ADAM22: variants seen among roughly 807,000 people sequenced by gnomAD.
ADAM22 encodes ADAM metallopeptidase domain 22, also known as disintegrin and metalloproteinase domain-containing protein 22.
Under a neutral mutation model 144.6 loss-of-function variants are expected in ADAM22, and 65 were observed. The observed-to-expected ratio is 0.45, with a 90% CI of 0.37 to 0.55. The LOEUF (loss-of-function observed/expected upper bound fraction) is 0.55. Ranked by LOEUF, ADAM22 falls within the 20% of genes least tolerant of loss-of-function variation. The pLI, the probability that ADAM22 is intolerant of heterozygous loss-of-function variation, is 0.00. For synonymous variants in ADAM22, 391 were observed against 412.6 expected (o/e 0.95, Z 0.63); for missense variants, 974 against 1,184.9 (o/e 0.82, Z 2.61).
intron 5 of ADAM22, among the ~76,000 whole-genome samples, 184 bp downstream of exon 5, chr7:88,108,442 A>C (rs915087576): frequency 2.6e-5 from 4 of 151,848 alleles, no homozygotes; most frequent in Admixed American, 2.0e-4. Flanking sequence ...TTAGGGTTGC[A>C]AATGGTCGGG....
chr7:88,188,845 C>T (rs1163899368), intron 30 of ADAM22, among the ~76,000 whole-genome samples: 2 of 152,206 alleles, frequency 1.3e-5, no homozygotes, highest in Non-Finnish European at 2.9e-5. Flanking sequence ...AAAACCACCA[C>T]TGAGGGCAAA....
chr7:87,939,057 G>T (rs1046404159), intron 2 of ADAM22, among the ~76,000 whole-genome samples: 7 of 152,344 alleles, frequency 4.6e-5, no homozygotes, highest in African/African-American at 1.7e-4. Flanking sequence ...TCTTAAAGAC[G>T]TGGAAGATGA....
intron 3 of ADAM22, among the ~76,000 whole-genome samples, chr7:88,046,082 A>C (rs1426794886): frequency 6.6e-6 from 1 of 152,216 alleles, no homozygotes; most frequent in Non-Finnish European, 1.5e-5. Flanking sequence ...ATGCATACCC[A>C]GAAGGGGGAG....
chr7:87,945,367 A>G (rs1468725404), intron 2 of ADAM22, among the ~76,000 whole-genome samples: 1 of 152,190 alleles, frequency 6.6e-6, no homozygotes, highest in Non-Finnish European at 1.5e-5. Flanking sequence ...TATTAGCTGC[A>G]GCTTACAAAT....
At chr7:87,974,859 G>T (rs1452824212) in intron 2 of ADAM22, among the ~76,000 whole-genome samples, 1 of 152,118 alleles carries the variant, frequency 6.6e-6, no homozygotes, top group Non-Finnish European at 1.5e-5. Context: ...GAGGCTGTCT[G>T]CATTCCTTGG....
At chr7:88,095,937 C>G (rs1050192584) in intron 4 of ADAM22, among the ~76,000 whole-genome samples, 2 of 134,028 alleles carry the variant, frequency 1.5e-5, no homozygotes, top group African/African-American at 5.4e-5. Context: ...CCCCACCCCC[C>G]CTTTTTTTAA....
At chr7:87,990,670 CT>C (rs1406237243) in intron 3 of ADAM22, among the ~76,000 whole-genome samples, 22 of 148,644 alleles carry the variant, frequency 1.5e-4, no homozygotes, top group African/African-American at 1.2e-4. Context: ...CCCTTTTCTT[CT>C]TTTTTTTTTG....
At chr7:88,159,935 A>C (rs186085865) in intron 22 of ADAM22, among the ~76,000 whole-genome samples, 13 of 152,262 alleles carry the variant, frequency 8.5e-5, no homozygotes, top group African/African-American at 3.1e-4. Context: ...AATAAGGGAA[A>C]TCCAAATAAG....
intron 3 of ADAM22, among the ~76,000 whole-genome samples, chr7:88,010,911 A>G (rs1219566116): frequency 6.6e-6 from 1 of 152,170 alleles, no homozygotes; most frequent in Non-Finnish European, 1.5e-5. Context: ...CCCCATTTTG[A>G]AGATAATTTA....
chr7:88,142,031 T>A (rs1443053276), intron 14 of ADAM22, among the ~76,000 whole-genome samples: 3 of 152,198 alleles, frequency 2.0e-5, no homozygotes, highest in Non-Finnish European at 4.4e-5. Flanking sequence ...TTAGTTTTTT[T>A]AAGAATACAT....
intron 3 of ADAM22, among the ~76,000 whole-genome samples, chr7:88,042,922 C>A (rs1232181446): frequency 6.6e-6 from 1 of 150,794 alleles, no homozygotes; most frequent in Non-Finnish European, 1.5e-5. Context: ...ATATTAATAG[C>A]CTTCTAAGGA....
At chr7:88,076,799 G>A (rs765676614) in intron 4 of ADAM22, among the ~76,000 whole-genome samples, 25 of 152,086 alleles carry the variant, frequency 1.6e-4, no homozygotes, top group Admixed American at 6.6e-5. Context: ...GTGACTTTTG[G>A]CCAAGTGTTT....
chr7:87,947,118 C>T (rs1361747390), intron 2 of ADAM22, among the ~76,000 whole-genome samples: 7 of 151,336 alleles, frequency 4.6e-5, no homozygotes, highest in Non-Finnish European at 7.4e-5. Flanking sequence ...TCAGCATCTG[C>T]GTGATAGGAT....
chr7:88,149,459 A>G (rs575471758), intron 18 of ADAM22, among the ~76,000 whole-genome samples: 10 of 152,280 alleles, frequency 6.6e-5, no homozygotes, highest in East Asian at 5.8e-4. Context: ...ACTCTTATCT[A>G]TGATAGCTTG....
At chr7:87,961,405 A>G (rs1847967998) in intron 2 of ADAM22, among the ~76,000 whole-genome samples, 1 of 152,214 alleles carries the variant, frequency 6.6e-6, no homozygotes, top group Non-Finnish European at 1.5e-5. Flanking sequence ...GTGGTCTCAC[A>G]GTATTGGATT....
intron 2 of ADAM22, among the ~76,000 whole-genome samples, chr7:87,937,892 A>T (rs1049757085): frequency 6.6e-6 from 1 of 152,244 alleles, no homozygotes; most frequent in Admixed American, 6.5e-5. Context: ...ATGTGTACAT[A>T]GTAAGGTACA....
At chr7:88,117,219 T>C (rs935356473) in intron 7 of ADAM22, among the ~76,000 whole-genome samples, 2 of 152,216 alleles carry the variant, frequency 1.3e-5, no homozygotes, top group Non-Finnish European at 2.9e-5. Flanking sequence ...AGAACTATTA[T>C]GGGTTAACTT....
intron 3 of ADAM22, among the ~76,000 whole-genome samples, chr7:88,070,480 C>A (rs192917617): frequency 6.6e-6 from 1 of 152,288 alleles, no homozygotes. Context: ...ACTGGCAGCA[C>A]CTTGGATTAG....
chr7:87,945,253 A>C (rs1843411880), intron 2 of ADAM22, among the ~76,000 whole-genome samples: 1 of 152,162 alleles, frequency 6.6e-6, no homozygotes. Context: ...ATGTTGTGTA[A>C]ATGAAGAGTC....
Sources: allele counts gnomAD v4.1 joint callset (sites outside exome capture counted in the v4.1 genomes callset), GRCh38; gene constraint gnomAD v4.1.1; transcripts MANE v1.5; gene names NCBI Gene and HGNC (gene_info 2026-07-23, HGNC 2026-07-21).